The following EPS15 variants were observed in gnomAD, a reference collection of about 807,000 sequenced individuals.
EPS15 encodes epidermal growth factor receptor pathway substrate 15.
In EPS15, 72 loss-of-function variants were observed where a neutral mutation model predicts 113.8. The observed-to-expected ratio is 0.63, with a 90% CI of 0.52 to 0.77. The LOEUF (loss-of-function observed/expected upper bound fraction) is 0.77. Among genes scored for constraint, EPS15 ranks in the 30% least tolerant of loss-of-function variants. EPS15 has a pLI of 0.00. For synonymous variants in EPS15, 344 were observed against 363.4 expected (o/e 0.95, Z 0.61); for missense variants, 1,048 against 1,045.8 (o/e 1.00, Z -0.03).
intron 1 of EPS15, among the ~76,000 whole-genome samples, chr1:51,483,005 A>G (rs1644049777): frequency 2.0e-5 from 3 of 152,234 alleles, no homozygotes; most frequent in Non-Finnish European, 4.4e-5. Flanking sequence ...TCGCCGTCAG[A>G]GTATTAAATG....
chr1:51,402,066 G>A (rs1039926381), intron 18 of EPS15, among the ~76,000 whole-genome samples: 1 of 152,236 alleles, frequency 6.6e-6, no homozygotes, highest in Non-Finnish European at 1.5e-5. Flanking sequence ...GAATCCGGGA[G>A]GCAGAAGTTG....
At chr1:51,390,112 C>T (rs1200942937) in intron 21 of EPS15, among the ~76,000 whole-genome samples, 2 of 152,268 alleles carry the variant, frequency 1.3e-5, no homozygotes, top group South Asian at 2.1e-4. Context: ...GGTACCAAAA[C>T]AGAGATATAG....
rs780534912 is a variant in EPS15 at position 51,380,408 on chromosome 1, G to C, written c.2119+13973C>G. Among the ~76,000 whole-genome samples the C allele has an allele frequency of 3.9e-5, 6 of 152,150 alleles. No individual in the cohort carries two copies. The East Asian group carries it at 5.8e-4, about 15-fold the overall frequency. On this transcript the variant is annotated intron_variant, in intron 21 of 24. Transcript: ENST00000371733. Reference sequence around the variant, plus strand: ...CAACTCAACTTTAGAAGTAAATTGTGACTTTCAACCACATAAAGTGGGGAG... The same window carrying C: ...CAACTCAACTTTAGAAGTAAATTGTCACTTTCAACCACATAAAGTGGGGAG...
chr1:51,475,422 A>G (rs1195529328), intron 2 of EPS15, among the ~76,000 whole-genome samples: 1 of 152,156 alleles, frequency 6.6e-6, no homozygotes. Context: ...CATTTCTCTG[A>G]TGACCAGTGA....
chr1:51,448,802 A>T (rs989162309), intron 8 of EPS15, among the ~76,000 whole-genome samples: 1 of 152,186 alleles, frequency 6.6e-6, no homozygotes, highest in African/African-American at 2.4e-5. Context: ...TAGCATCAAA[A>T]AAATAAATAA....
intron 1 of EPS15, among the ~76,000 whole-genome samples, chr1:51,503,006 C>CAAAAAAAAAAAAAAAA (rs56340331): frequency 4.4e-5 from 3 of 67,450 alleles, no homozygotes; most frequent in African/African-American, 5.0e-5. Context: ...GACTCTGTCT[C>CAAAAAAAAAAAAAAAA]AAAAAAAAAA....
intron 2 of EPS15, among the ~76,000 whole-genome samples, chr1:51,477,860 T>C (rs948023648): frequency 6.6e-6 from 1 of 152,082 alleles, no homozygotes; most frequent in Non-Finnish European, 1.5e-5. Flanking sequence ...TGCTGAGGAG[T>C]GCTTTACTTC....
intron 21 of EPS15, among the ~76,000 whole-genome samples, chr1:51,389,340 T>C (rs1334144761): frequency 6.6e-6 from 1 of 152,234 alleles, no homozygotes; most frequent in Non-Finnish European, 1.5e-5. Context: ...GAGCTATCTA[T>C]GACAAACCCA....
At chr1:51,422,363 G>C (rs1350428226) in intron 12 of EPS15, among the ~76,000 whole-genome samples, 1 of 152,134 alleles carries the variant, frequency 6.6e-6, no homozygotes, top group East Asian at 1.9e-4. Context: ...TGAAACAACA[G>C]AGAAAATGGG....
chr1:51,431,456 T>C (rs1174889482), intron 12 of EPS15, among the ~76,000 whole-genome samples: 3 of 152,018 alleles, frequency 2.0e-5, no homozygotes, highest in Non-Finnish European at 2.9e-5. Context: ...CTTTTCTTTT[T>C]TTTTTTGGAG....
chr1:51,496,935 AT>A (rs552630291), intron 1 of EPS15, among the ~76,000 whole-genome samples: 112 of 152,228 alleles, frequency 7.4e-4, no homozygotes, highest in African/African-American at 2.6e-3. Context: ...GAGTTCTAGA[AT>A]TTTTTTCAGT....
At chr1:51,357,306 G>C (rs969412594) in intron 24 of EPS15, among the ~76,000 whole-genome samples, 1 of 146,382 alleles carries the variant, frequency 6.8e-6, no homozygotes, top group African/African-American at 2.5e-5. Context: ...GAACCCAGGA[G>C]GCAGAGGTTG....
intron 21 of EPS15, among the ~76,000 whole-genome samples, chr1:51,376,237 G>A (rs1337786895): frequency 6.6e-6 from 1 of 152,224 alleles, no homozygotes; most frequent in Admixed American, 6.5e-5. Flanking sequence ...AGGCCCCTAT[G>A]AATTAAGATA....
chr1:51,437,816 C>T lies in EPS15; in HGVS notation c.1040+2531G>A, dbSNP rs915748759. 1.4e-4 allele frequency among the ~76,000 whole-genome samples: 22 copies of T among 152,138 alleles called. No homozygotes were observed. In the South Asian group the frequency reaches 3.9e-3, roughly 27 times the overall value. On this transcript the variant is annotated intron_variant, in intron 12 of 24. Coordinates refer to ENST00000371733, the MANE Select transcript of EPS15 (RefSeq NM_001981.3). ...AAAACTAAGTATCTTCATCTCAAAA[C>T]GAAAATGAAGAACTGGCTAAGATTT...
intron 21 of EPS15, among the ~76,000 whole-genome samples, chr1:51,377,213 G>A (rs1220368867): frequency 2.0e-5 from 3 of 152,128 alleles, no homozygotes; most frequent in Admixed American, 6.5e-5. Context: ...GCAATGAGCC[G>A]AGACAGCTCC....
chr1:51,491,859 ATT>A lies in EPS15; in HGVS notation c.34-10547_34-10546del, dbSNP rs1007233147. Among the ~76,000 whole-genome samples, 1,009 of 129,756 alleles carry A rather than the reference ATT, an allele frequency of 7.8e-3. 6 individuals carry two copies. The highest frequency in any genetic ancestry group is 0.028 in the African/African-American group (946 of 33,394). The allele number at this position is 129,756 out of a possible 152,430, so 85.1% of individuals were successfully genotyped here. A position where few individuals can be genotyped will look rare whatever the true frequency, so the allele number is the denominator to read the frequency against. The stretch of plus-strand genomic sequence containing the variant: ...AGCTCTGTAATTCCCAACTCATTTA[ATT>A]TTTTTTTTTTTTTTTTTTTGAGACA... On this transcript the variant is annotated intron_variant, in intron 1 of 24. Transcript: ENST00000371733.
chr1:51,516,285 C>T (rs12757507), intron 1 of EPS15, among the ~76,000 whole-genome samples: 8,589 of 152,216 alleles, frequency 0.056, 336 homozygotes, highest in Non-Finnish European at 0.086. Context: ...GAAATAAGTT[C>T]CAGGTTTTGT....
Position 51,425,054 on chromosome 1 carries a change from G to A in EPS15, c.1041-3196C>T, listed in dbSNP as rs189139963. On this transcript the variant is annotated intron_variant, in intron 12 of 24. Coordinates refer to ENST00000371733, the MANE Select transcript of EPS15 (RefSeq NM_001981.3). ...ATGATCCTACTCATCCTCTATTTTAGACTATCTTTCAGGTTTTCATTTTTA... is the reference window on the plus strand; with the variant it reads ...ATGATCCTACTCATCCTCTATTTTAAACTATCTTTCAGGTTTTCATTTTTA... Among the ~76,000 whole-genome samples the A allele has an allele frequency of 5.9e-5, 9 of 152,244 alleles. No homozygotes were observed. The East Asian group carries it at 1.7e-3, about 29-fold the overall frequency.
intron 12 of EPS15, among the ~76,000 whole-genome samples, chr1:51,424,633 G>A (rs1042274149): frequency 6.6e-6 from 1 of 152,156 alleles, no homozygotes; most frequent in African/African-American, 2.4e-5. Flanking sequence ...GCTGGGTGTG[G>A]TGGCTCACAC....
Sources: gnomAD v4.1 joint callset for allele counts (sites outside exome capture counted in the v4.1 genomes callset) on GRCh38, gnomAD v4.1.1 for gene constraint, MANE v1.5 for transcripts, NCBI Gene and HGNC (gene_info 2026-07-23, HGNC 2026-07-21) for gene names.